RTCB: variants seen among roughly 807,000 people sequenced by gnomAD.
RTCB encodes the protein RNA-splicing ligase RTCB.
Under a neutral mutation model 58.2 loss-of-function variants are expected in RTCB, and 32 were observed. The observed-to-expected ratio is 0.55, with a 90% CI of 0.41 to 0.74. The LOEUF (loss-of-function observed/expected upper bound fraction) is 0.74. RTCB is among the 30% of genes least tolerant of loss of function. The pLI, the probability that RTCB is intolerant of heterozygous loss-of-function variation, is 0.00. For missense variants in RTCB, 523 were observed against 639.0 expected, an observed-to-expected ratio of 0.82 and a Z score of 1.96; for synonymous variants, 247 against 218.6, an observed-to-expected ratio of 1.13 and a Z score of -1.15.
chr22:32,406,417 G>A (rs1339636718), intron 4 of RTCB, among the ~76,000 whole-genome samples: 1 of 152,108 alleles, frequency 6.6e-6, no homozygotes, highest in Non-Finnish European at 1.5e-5. Context: ...CCGCCTCCCG[G>A]GTTCAAGTGA....
At chr22:32,389,109 C>T (rs191395474) in intron 11 of RTCB, among the ~76,000 whole-genome samples, 324 of 152,226 alleles carry the variant, frequency 2.1e-3, no homozygotes, top group Non-Finnish European at 3.6e-3. Flanking sequence ...ATCTTGCAGT[C>T]ATTACATCGT....
At position 32,392,345 on chromosome 22, in the gene RTCB, G is replaced by A; in HGVS notation, c.1305C>T (p.Ser435=). 1 of 1,613,904 alleles carries A rather than the reference G, an allele frequency of 6.2e-7. No homozygotes were observed. Among genetic ancestry groups the A allele is most frequent in the Non-Finnish European group, 8.5e-7 (1 of 1,179,932 alleles). Residue 435 remains serine (S), a synonymous_variant, in exon 11 of 12, where the codon TCC becomes TCT. Coordinates refer to ENST00000216038, the MANE Select transcript of RTCB (RefSeq NM_014306.5). The part of the protein sequence containing the change: ...TTCHGAGRAL[S]RAKSRRNLDF... The stretch of plus-strand genomic sequence containing the variant: ...CTAAATTACGTCGAGATTTTGCTCG[G>A]GACAATGCACGGCCCTAGAATGGGA...
intron 2 of RTCB, among the ~76,000 whole-genome samples, chr22:32,408,464 T>C (rs7289656): frequency 0.035 from 5,270 of 152,288 alleles, 289 homozygotes; most frequent in African/African-American, 0.12. Context: ...GTAACATGCC[T>C]GGAATATAGT....
chr22:32,395,420 C>G lies in RTCB; in HGVS notation c.991-206G>C, dbSNP rs1933229373. On this transcript the variant is annotated intron_variant, in intron 8 of 11. Transcript: ENST00000216038. ...GGAAATGCCACCACATCATTTTCAT[C>G]TTTAGTTGAAAAGCTGCTGGGCAAC... 2.0e-5 allele frequency among the ~76,000 whole-genome samples: 3 copies of G among 152,188 alleles called. No homozygotes were observed. In the South Asian group the frequency reaches 6.2e-4, roughly 32 times the overall value.
intron 11 of RTCB, among the ~76,000 whole-genome samples, chr22:32,390,244 C>T (rs1019046268): frequency 6.6e-5 from 10 of 152,210 alleles, no homozygotes; most frequent in Admixed American, 4.6e-4. Context: ...TTCTTTTGTT[C>T]ACTGCAGTAT....
intron 3 of RTCB, 107 bp downstream of exon 3, chr22:32,408,068 C>A: frequency 1.0e-6 from 1 of 995,724 alleles, no homozygotes; most frequent in South Asian, 1.5e-5. Flanking sequence ...TTATGTCTGG[C>A]TGTCCAAAGG....
chr22:32,401,062 T>C lies in RTCB; in HGVS notation c.497+685A>G, dbSNP rs953363165. Among the ~76,000 whole-genome samples, 6 of 151,828 alleles carry C rather than the reference T, an allele frequency of 4.0e-5. No homozygotes were observed. In the East Asian group the frequency reaches 7.7e-4, roughly 20 times the overall value. On this transcript the variant is annotated intron_variant, in intron 5 of 11. Coordinates refer to ENST00000216038, the MANE Select transcript of RTCB (RefSeq NM_014306.5). ...ACAGCTTCTGAAGTCAAAGGATCTTTGGTTTGAATCCTGATATCACCTACT... is the reference window on the plus strand; with the variant it reads ...ACAGCTTCTGAAGTCAAAGGATCTTCGGTTTGAATCCTGATATCACCTACT...
At chr22:32,394,450 T>A (rs1378606195) in intron 9 of RTCB, among the ~76,000 whole-genome samples, 1 of 152,100 alleles carries the variant, frequency 6.6e-6, no homozygotes, top group East Asian at 1.9e-4. Flanking sequence ...TAGTAAACTA[T>A]ATTAAGATAG....
At position 32,411,729 on chromosome 22, in the gene RTCB, T is replaced by C. The variant is rs185446552; in HGVS notation, c.93+335A>G. Among the ~76,000 whole-genome samples, 625 of 152,300 alleles carry C rather than the reference T, an allele frequency of 4.1e-3. 2 individuals carry two copies. Among genetic ancestry groups the C allele is most frequent in the African/African-American group, 0.014 (598 of 41,568 alleles). ...GCTGGCTGTTCCACCCTGGAAAAGA[T>C]CACTGAAGTTTCTGTGAACGTAAAA... On this transcript the variant is annotated intron_variant, in intron 1 of 11. Transcript: ENST00000216038.
At chr22:32,401,532 T>C in intron 5 of RTCB, 1 of 475,500 alleles carries the variant, frequency 2.1e-6, no homozygotes, top group Non-Finnish European at 3.7e-6. Context: ...GATGTTATTA[T>C]AAATACTACT....
intron 4 of RTCB, 105 bp from the exon 5 acceptor site, chr22:32,402,008 A>C (rs1429522752): frequency 6.8e-5 from 82 of 1,198,108 alleles, no homozygotes; most frequent in Non-Finnish European, 9.3e-5. Flanking sequence ...TTTTAAAGAT[A>C]ACTATGTTTT....
chr22:32,410,669 CTG>C (rs1265469272), intron 1 of RTCB, among the ~76,000 whole-genome samples: 1 of 151,818 alleles, frequency 6.6e-6, no homozygotes, highest in Non-Finnish European at 1.5e-5. Flanking sequence ...CAATGACAGT[CTG>C]TGTTATTAGA....
intron 1 of RTCB, among the ~76,000 whole-genome samples, chr22:32,409,587 G>A (rs927341719): frequency 4.6e-5 from 7 of 152,152 alleles, no homozygotes; most frequent in Non-Finnish European, 7.4e-5. Context: ...TCAATTGAAT[G>A]TAGTTTTTAT....
chr22:32,403,456 C>A (rs1933371754), intron 4 of RTCB, among the ~76,000 whole-genome samples: 1 of 152,038 alleles, frequency 6.6e-6, no homozygotes, highest in African/African-American at 2.4e-5. Flanking sequence ...ACACAATGTA[C>A]ATTTACATTG....
At chr22:32,407,960 G>T (rs1933456140) in intron 3 of RTCB, 1 of 563,184 alleles carries the variant, frequency 1.8e-6, no homozygotes, top group African/African-American at 1.9e-5. Flanking sequence ...TTGCCATGTT[G>T]CCCAGACTAG....
rs368798629 is a variant in RTCB, at chr22:32,403,896, C to T, written c.341-1993G>A. The stretch of plus-strand genomic sequence containing the variant: ...CATTCTACTCTCTCTGTGAGTTTAA[C>T]ATTTTTAGATTGCACATATGGGCAA... On this transcript the variant is annotated intron_variant, in intron 4 of 11. Transcript: ENST00000216038. 7.9e-5 allele frequency among the ~76,000 whole-genome samples: 12 copies of T among 152,314 alleles called. No individual in the cohort carries two copies. In the East Asian group the frequency reaches 1.3e-3, roughly 17 times the overall value.
chr22:32,395,058 G>A lies in RTCB; in HGVS notation c.1147C>T (p.Pro383Ser), dbSNP rs1481794329. The change falls in exon 9 of 12, where the codon CCT becomes TCT. Residue 383 changes from proline to serine, a missense_variant. Physicochemically the swap from Pro to Ser is moderately conservative, Grantham distance 74 (BLOSUM62 -1). Transcript: ENST00000216038. ...HRKGSTRAFP[P>S]HHPLIAVDYQ... ...TCAACAGCAATGAGGGGATGGTGAG[G>A]AGGGAAAGCGCGGGTGGATCCCTTC... The A allele has an allele frequency of 1.2e-6, 2 of 1,614,032 alleles. No homozygotes were observed. The highest frequency in any genetic ancestry group is 1.7e-6 in the Non-Finnish European group (2 of 1,180,020).
At chr22:32,403,463 A>C (rs2145896018) in intron 4 of RTCB, among the ~76,000 whole-genome samples, 1 of 152,360 alleles carries the variant, frequency 6.6e-6, no homozygotes, top group South Asian at 2.1e-4. Context: ...GTACATTTAC[A>C]TTGTGAAGTA....
Position 32,392,687 on chromosome 22 carries a change from C to T in RTCB, c.1291-328G>A, listed in dbSNP as rs1265377821. On this transcript the variant is annotated intron_variant, in intron 10 of 11. Transcript: ENST00000216038. ...CCAGAAATTGTCAATGTCCCCATGG[C>T]GGTAGGGGGATCTCCTTTGTTGAAA... Among the ~76,000 whole-genome samples, 4 of 152,196 alleles carry T rather than the reference C, an allele frequency of 2.6e-5. No individual in the cohort carries two copies. In the South Asian group the frequency reaches 6.2e-4, roughly 24 times the overall value.
Sources: allele counts gnomAD v4.1 joint callset (sites outside exome capture counted in the v4.1 genomes callset), GRCh38; gene constraint gnomAD v4.1.1; transcripts MANE v1.5; gene names NCBI Gene and HGNC (gene_info 2026-07-23, HGNC 2026-07-21).